XYLT1: variants seen among roughly 807,000 people sequenced by gnomAD.
XYLT1 encodes xylosyltransferase 1, also known as beta-D-xylosyltransferase 1.
Under a neutral mutation model 91.3 loss-of-function variants are expected in XYLT1, and 36 were observed. That is an observed-to-expected ratio of 0.39 (90% CI 0.30 to 0.52). XYLT1 has a LOEUF of 0.52. Ranked by LOEUF, XYLT1 falls within the 20% of genes least tolerant of loss-of-function variation. The probability of loss-of-function intolerance (pLI) is 0.68; values close to 1 mark genes in which losing one functional copy is unlikely to be tolerated. For missense variants in XYLT1, 1,242 were observed against 1,284.5 expected (o/e 0.97, Z 0.51); for synonymous variants, 588 against 532.0 (o/e 1.11, Z -1.45).
intron 1 of XYLT1, among the ~76,000 whole-genome samples, chr16:17,383,282 G>A (rs2035704005): frequency 6.6e-6 from 1 of 151,830 alleles, no homozygotes; most frequent in Admixed American, 6.6e-5. Context: ...TTGCCCACCT[G>A]GAGGATTCAT....
chr16:17,379,030 G>A (rs1369556167), intron 1 of XYLT1, among the ~76,000 whole-genome samples: 5 of 152,172 alleles, frequency 3.3e-5, no homozygotes, highest in Non-Finnish European at 7.4e-5. Flanking sequence ...TCTGCTAAAT[G>A]GGCACATAGC....
rs554771423 is a variant in XYLT1, at chr16:17,461,125, T to C, written c.363+9309A>G. 5.9e-5 allele frequency among the ~76,000 whole-genome samples: 9 copies of C among 152,316 alleles called. No individual in the cohort carries two copies. The South Asian group carries it at 1.9e-3, about 32-fold the overall frequency. On this transcript the variant is annotated intron_variant, in intron 1 of 11. Transcript: ENST00000261381. ...CACAGCATCTGCCCATCTGCTCCCC[T>C]GGATCATTTCCAGGGTTGTTTCATG...
At chr16:17,302,180 G>T (rs949405231) in intron 2 of XYLT1, among the ~76,000 whole-genome samples, 1 of 151,968 alleles carries the variant, frequency 6.6e-6, no homozygotes, top group South Asian at 2.1e-4. Flanking sequence ...ACTCCAGCCT[G>T]GGTGACAGAG....
intron 1 of XYLT1, among the ~76,000 whole-genome samples, chr16:17,422,272 C>G (rs2036260084): frequency 1.3e-5 from 2 of 149,850 alleles, no homozygotes; most frequent in Non-Finnish European, 3.0e-5. Context: ...TCATAGATCA[C>G]TACAGCCTCA....
At chr16:17,459,668 G>C (rs924421881) in intron 1 of XYLT1, among the ~76,000 whole-genome samples, 2 of 152,044 alleles carry the variant, frequency 1.3e-5, no homozygotes, top group Non-Finnish European at 2.9e-5. Context: ...GGTTTCCTTC[G>C]CTGCATTTGT....
chr16:17,367,419 C>A (rs996928934), intron 1 of XYLT1, among the ~76,000 whole-genome samples: 7 of 152,188 alleles, frequency 4.6e-5, no homozygotes, highest in Admixed American at 6.5e-5. Context: ...TAATTCATCC[C>A]GATAATTAGC....
At chr16:17,141,083 A>G in intron 7 of XYLT1, 70 bp downstream of exon 7, 1 of 1,487,240 alleles carries the variant, frequency 6.7e-7, no homozygotes, top group South Asian at 1.2e-5. Flanking sequence ...CCAAAAATTC[A>G]GCATCTGCTT....
intron 1 of XYLT1, among the ~76,000 whole-genome samples, chr16:17,456,389 G>A (rs563279410): frequency 1.6e-4 from 23 of 147,102 alleles, no homozygotes; most frequent in Non-Finnish European, 2.8e-4. Context: ...CCAGGCTGGA[G>A]TGCAGTGGTG....
At chr16:17,460,893 A>G (rs1006802186) in intron 1 of XYLT1, among the ~76,000 whole-genome samples, 1 of 152,036 alleles carries the variant, frequency 6.6e-6, no homozygotes, top group Non-Finnish European at 1.5e-5. Flanking sequence ...AACATCTCCT[A>G]CGATGTGGCT....
rs1230743998 is a variant in XYLT1, at chr16:17,470,558, C to T, written c.239G>A (p.Gly80Glu). Reference protein sequence around the residue: ...LPAEPAAARGGGGGGGGGGGG... With the variant: ...LPAEPAAARGEGGGGGGGGGG... ...TCCTCCTCCGCCGCCGCCTCCTCCT[C>T]CTCCTCGGGCTGCAGCCGGCTCGGC... The change falls in exon 1 of 12, where the codon GGA (glycine) becomes GAA (glutamate). Residue 80 changes from glycine to glutamate, a missense_variant. This residue lies in a region of XYLT1 where 437 missense variants were observed against 411.5 expected (regional missense o/e 1.06). Coordinates refer to ENST00000261381, the MANE Select transcript of XYLT1 (RefSeq NM_022166.4). The T allele has an allele frequency of 2.5e-6, 3 of 1,215,554 alleles. No individual in the cohort carries two copies. Among genetic ancestry groups the T allele is most frequent in the African/African-American group, 1.6e-5 (1 of 63,416 alleles). 75.3% of individuals were successfully genotyped at this position (1,215,554 alleles called of 1,614,324 possible). A position where few individuals can be genotyped will look rare whatever the true frequency, so the allele number is the denominator to read the frequency against.
At position 17,353,857 on chromosome 16, in the gene XYLT1, T is replaced by C. The variant is rs1167900150; in HGVS notation, c.402+4155A>G. Among the ~76,000 whole-genome samples, 3 of 152,248 alleles carry C rather than the reference T, an allele frequency of 2.0e-5. No individual in the cohort carries two copies. The East Asian group carries it at 5.8e-4, about 29-fold the overall frequency. ...TAGGAAAGCAGTTGAGAAGATAAGA[T>C]TCTGATGTCATGCAACCCTGAGTCT... On this transcript the variant is annotated intron_variant, in intron 2 of 11. Coordinates refer to ENST00000261381, the MANE Select transcript of XYLT1 (RefSeq NM_022166.4).
At chr16:17,450,708 C>A (rs903709129) in intron 1 of XYLT1, among the ~76,000 whole-genome samples, 1 of 152,156 alleles carries the variant, frequency 6.6e-6, no homozygotes, top group Non-Finnish European at 1.5e-5. Flanking sequence ...TCCTGAAAGT[C>A]GAGATCACTT....
intron 3 of XYLT1, among the ~76,000 whole-genome samples, chr16:17,251,677 A>G (rs2033540360): frequency 6.6e-6 from 1 of 152,194 alleles, no homozygotes; most frequent in Non-Finnish European, 1.5e-5. Flanking sequence ...AATGAGGCAG[A>G]AAAAGCTGTG....
chr16:17,319,174 G>T (rs915383569), intron 2 of XYLT1, among the ~76,000 whole-genome samples: 15 of 152,120 alleles, frequency 9.9e-5, no homozygotes, highest in African/African-American at 3.1e-4. Context: ...TGGAGGCAAT[G>T]ACTGTGCATT....
At chr16:17,235,433 A>G (rs1009089529) in intron 3 of XYLT1, among the ~76,000 whole-genome samples, 1 of 151,654 alleles carries the variant, frequency 6.6e-6, no homozygotes, top group African/African-American at 2.4e-5. Flanking sequence ...CCATTTACAA[A>G]TGGGGTTCAG....
At chr16:17,455,411 C>A (rs2036727434) in intron 1 of XYLT1, among the ~76,000 whole-genome samples, 1 of 152,064 alleles carries the variant, frequency 6.6e-6, no homozygotes, top group Non-Finnish European at 1.5e-5. Context: ...GTTATGACTT[C>A]TTCATGATGG....
intron 1 of XYLT1, chr16:17,446,069 A>G (rs192623088): frequency 3.9e-4 from 60 of 152,264 alleles, no homozygotes; most frequent in African/African-American, 1.4e-3. Context: ...AGATCTAGAA[A>G]AGCTCGTCAG....
intron 2 of XYLT1, among the ~76,000 whole-genome samples, chr16:17,320,537 T>C (rs1221827210): frequency 1.4e-5 from 2 of 147,380 alleles, no homozygotes; most frequent in East Asian, 2.0e-4. Context: ...TGCAGTGCAG[T>C]GGTGCGATAT....
intron 2 of XYLT1, among the ~76,000 whole-genome samples, chr16:17,306,142 G>A (rs777985698): frequency 2.0e-5 from 3 of 152,156 alleles, no homozygotes; most frequent in African/African-American, 7.2e-5. Flanking sequence ...GAAATTTCAG[G>A]GTAACTTACC....
Sources: gnomAD v4.1 joint callset for allele counts (sites outside exome capture counted in the v4.1 genomes callset) on GRCh38, gnomAD v4.1.1 for gene constraint, gnomAD v4.1.1 regional missense constraint, MANE v1.5 for transcripts, NCBI Gene and HGNC (gene_info 2026-07-23, HGNC 2026-07-21) for gene names.